The following ADCY8 variants were observed in gnomAD, a reference collection of about 807,000 sequenced individuals.
ADCY8 encodes the protein adenylate cyclase type 8.
Under a neutral mutation model 119.7 loss-of-function variants are expected in ADCY8, and 51 were observed. That is an observed-to-expected ratio of 0.43 (90% CI 0.34 to 0.54). The LOEUF is 0.54. Ranked by LOEUF, ADCY8 falls within the 20% of genes least tolerant of loss-of-function variation. ADCY8 has a pLI of 0.03. For synonymous variants in ADCY8, 665 were observed against 651.0 expected (o/e 1.02, Z -0.33); for missense variants, 1,383 against 1,598.8 (o/e 0.87, Z 2.30).
intron 1 of ADCY8, among the ~76,000 whole-genome samples, chr8:131,016,561 C>T (rs1823480235): frequency 6.6e-6 from 1 of 152,134 alleles, no homozygotes; most frequent in African/African-American, 2.4e-5. Context: ...GATTGGGTCA[C>T]TTTTGTGTCA....
intron 1 of ADCY8, among the ~76,000 whole-genome samples, chr8:131,030,937 C>A (rs1225107621): frequency 6.6e-6 from 1 of 152,176 alleles, no homozygotes; most frequent in African/African-American, 2.4e-5. Context: ...GCCCTTTTAC[C>A]ATTTTGGCCT....
chr8:130,967,030 T>C (rs1821783015), intron 2 of ADCY8, among the ~76,000 whole-genome samples: 1 of 152,154 alleles, frequency 6.6e-6, no homozygotes, highest in Non-Finnish European at 1.5e-5. Flanking sequence ...GAAAAGACAA[T>C]TGTGCTACAC....
At chr8:130,988,555 C>A (rs568078760) in intron 2 of ADCY8, among the ~76,000 whole-genome samples, 2 of 151,968 alleles carry the variant, frequency 1.3e-5, no homozygotes, top group South Asian at 4.2e-4. Context: ...AAAAAAGGAA[C>A]CTATGGTGGA....
intron 1 of ADCY8, among the ~76,000 whole-genome samples, chr8:131,012,724 T>C (rs976661118): frequency 1.3e-5 from 2 of 152,196 alleles, no homozygotes; most frequent in Non-Finnish European, 2.9e-5. Context: ...TAAAGGATCA[T>C]AATGGAACTC....
At chr8:130,962,867 G>A (rs1019090631) in intron 2 of ADCY8, among the ~76,000 whole-genome samples, 12 of 152,200 alleles carry the variant, frequency 7.9e-5, no homozygotes, top group African/African-American at 2.9e-4. Flanking sequence ...GCACTGGGGA[G>A]AGACTTGTTC....
chr8:130,783,460 G>T (rs1050254375), intron 17 of ADCY8, among the ~76,000 whole-genome samples: 1 of 152,238 alleles, frequency 6.6e-6, no homozygotes, highest in Non-Finnish European at 1.5e-5. Context: ...AAGGCTGGCT[G>T]CTTTGTATTT....
intron 1 of ADCY8, among the ~76,000 whole-genome samples, chr8:131,037,625 T>G (rs764854549): frequency 6.6e-6 from 1 of 151,400 alleles, no homozygotes; most frequent in African/African-American, 2.4e-5. Context: ...TCATAGTGAG[T>G]TAGATGAAAA....
chr8:130,966,038 T>G (rs557827281), intron 2 of ADCY8, among the ~76,000 whole-genome samples: 1 of 152,286 alleles, frequency 6.6e-6, no homozygotes, highest in East Asian at 1.9e-4. Flanking sequence ...ATCAAGATAC[T>G]CATATTTTCC....
At chr8:130,819,765 T>C (rs1816451271) in intron 13 of ADCY8, among the ~76,000 whole-genome samples, 2 of 149,384 alleles carry the variant, frequency 1.3e-5, no homozygotes, top group African/African-American at 4.9e-5. Context: ...TCCTCACAGA[T>C]AGCTGGAAAG....
At chr8:130,875,849 CTT>C (rs1372860020) in intron 8 of ADCY8, among the ~76,000 whole-genome samples, 1 of 152,148 alleles carries the variant, frequency 6.6e-6, no homozygotes, top group Non-Finnish European at 1.5e-5. Flanking sequence ...TAAAGATTCT[CTT>C]GTGTGGCAAA....
At chr8:130,887,047 C>T (rs1819013781) in intron 7 of ADCY8, among the ~76,000 whole-genome samples, 2 of 151,606 alleles carry the variant, frequency 1.3e-5, no homozygotes, top group Non-Finnish European at 1.5e-5. Context: ...ACATTGAATA[C>T]ATTTAATTTA....
chr8:131,027,809 G>A (rs1360343126), intron 1 of ADCY8, among the ~76,000 whole-genome samples: 6 of 152,190 alleles, frequency 3.9e-5, no homozygotes, highest in African/African-American at 1.4e-4. Context: ...TGTGGAGTGA[G>A]ATAATGTGAA....
At chr8:130,869,499 A>ATTTTTTTT (rs1818248655) in intron 8 of ADCY8, among the ~76,000 whole-genome samples, 1 of 128,862 alleles carries the variant, frequency 7.8e-6, no homozygotes, top group African/African-American at 3.2e-5. Flanking sequence ...TTTTTTTTTT[A>ATTTTTTTT]TTTTGTTTAT....
chr8:130,986,734 G>C (rs972950276), intron 2 of ADCY8, among the ~76,000 whole-genome samples: 2 of 152,222 alleles, frequency 1.3e-5, no homozygotes, highest in East Asian at 3.9e-4. Context: ...TTGAGATCCA[G>C]TGTGGCATGC....
At chr8:131,013,037 T>C (rs950796781) in intron 1 of ADCY8, among the ~76,000 whole-genome samples, 1 of 152,200 alleles carries the variant, frequency 6.6e-6, no homozygotes, top group African/African-American at 2.4e-5. Flanking sequence ...ATTTAATTAG[T>C]TTGTACCATC....
chr8:130,987,250 G>A (rs1822429398), intron 2 of ADCY8, among the ~76,000 whole-genome samples: 3 of 152,044 alleles, frequency 2.0e-5, no homozygotes, highest in African/African-American at 7.2e-5. Context: ...GTCAGCTCAG[G>A]TAAAATTTTT....
intron 1 of ADCY8, among the ~76,000 whole-genome samples, chr8:130,997,565 GA>G: frequency 6.6e-6 from 1 of 152,056 alleles, no homozygotes; most frequent in Middle Eastern, 3.4e-3. Flanking sequence ...GAACCAATGA[GA>G]AAAAAACAAT....
chr8:130,857,470 G>A lies in ADCY8; in HGVS notation c.2211-7667C>T, dbSNP rs368097808. On this transcript the variant is annotated intron_variant, in intron 9 of 17. Transcript: ENST00000286355. ...TTTATCCTTTTATCTTCCTTACAAC[G>A]TATTTATCGAAAAACACATGCCTCT... is the stretch of plus-strand genomic sequence containing the variant. 1.2e-3 allele frequency among the ~76,000 whole-genome samples: 187 copies of A among 151,918 alleles called. 1 individual carries two copies. Among genetic ancestry groups the A allele is most frequent in the Middle Eastern group, 0.01 (3 of 294 alleles).
At chr8:130,929,797 C>T (rs1043530836) in intron 5 of ADCY8, among the ~76,000 whole-genome samples, 1 of 151,944 alleles carries the variant, frequency 6.6e-6, no homozygotes, top group African/African-American at 2.4e-5. Flanking sequence ...TAATATTTGC[C>T]TTGTATTTTT....
Sources: gnomAD v4.1 joint callset for allele counts (sites outside exome capture counted in the v4.1 genomes callset) on GRCh38, gnomAD v4.1.1 for gene constraint, MANE v1.5 for transcripts, NCBI Gene and HGNC (gene_info 2026-07-23, HGNC 2026-07-21) for gene names.